HSPH1: variants seen among roughly 807,000 people sequenced by gnomAD.
HSPH1 encodes heat shock protein family H (Hsp110) member 1, also known as heat shock protein 105 kDa.
HSPH1 carries 40 observed loss-of-function variants against 100.0 expected under a neutral mutation model. That is an observed-to-expected ratio of 0.40 (90% CI 0.31 to 0.52). HSPH1 has a LOEUF of 0.52. Among genes scored for constraint, HSPH1 ranks in the 20% least tolerant of loss-of-function variants. The pLI is 0.54. For missense variants in HSPH1, 876 were observed against 1,015.1 expected, an observed-to-expected ratio of 0.86 and a Z score of 1.86; for synonymous variants, 403 against 344.0, an observed-to-expected ratio of 1.17 and a Z score of -1.90.
intron 10 of HSPH1, among the ~76,000 whole-genome samples, chr13:31,147,395 A>T (rs1956302399): frequency 6.6e-6 from 1 of 151,890 alleles, no homozygotes; most frequent in African/African-American, 2.4e-5. Flanking sequence ...TCCTGAAAAG[A>T]CCTAGCAATA....
intron 8 of HSPH1, among the ~76,000 whole-genome samples, chr13:31,149,574 T>C (rs112732810): frequency 1.7e-3 from 256 of 152,272 alleles, no homozygotes; most frequent in African/African-American, 5.7e-3. Context: ...TGTTAATATT[T>C]CTAACACCCT....
intron 6 of HSPH1, 144 bp from the exon 7 acceptor site, chr13:31,151,335 A>C: frequency 2.6e-6 from 2 of 773,360 alleles, no homozygotes. Context: ...ATCAGTCAGG[A>C]ATAAATCTCT....
chr13:31,140,341 C>T, intron 13 of HSPH1, 32 bp from the exon 14 acceptor site: 1 of 1,593,838 alleles, frequency 6.3e-7, no homozygotes, highest in Non-Finnish European at 8.5e-7. Flanking sequence ...TAATTCCAGT[C>T]TTCTAGTTAA....
chr13:31,160,809 C>CG (rs1044132386), intron 1 of HSPH1, among the ~76,000 whole-genome samples: 2 of 152,130 alleles, frequency 1.3e-5, no homozygotes, highest in African/African-American at 4.8e-5. Flanking sequence ...TTACATCTTT[C>CG]GACAATGATC....
chr13:31,155,886 G>A (rs1440320263), intron 2 of HSPH1, among the ~76,000 whole-genome samples: 11 of 152,240 alleles, frequency 7.2e-5, no homozygotes, highest in Admixed American at 4.6e-4. Flanking sequence ...GGGAACAAGA[G>A]GCAAAATAGT....
chr13:31,143,174 TAAC>T (rs747875538), intron 12 of HSPH1, among the ~76,000 whole-genome samples: 13 of 152,048 alleles, frequency 8.5e-5, no homozygotes, highest in Non-Finnish European at 1.6e-4. Context: ...GATTCATAGT[TAAC>T]AACAGAAATT....
intron 3 of HSPH1, 92 bp downstream of exon 3, chr13:31,155,422 G>A (rs1956648545): frequency 3.1e-6 from 3 of 981,458 alleles, no homozygotes; most frequent in Non-Finnish European, 4.5e-6. Context: ...ACCACCTGGT[G>A]TAATTAAGAA....
intron 11 of HSPH1, among the ~76,000 whole-genome samples, chr13:31,144,917 C>T (rs1215018980): frequency 6.6e-6 from 1 of 152,130 alleles, no homozygotes; most frequent in East Asian, 1.9e-4. Context: ...CACTTTCTCA[C>T]ATCTTAACTA....
rs758077929 is a variant in HSPH1, at chr13:31,161,577, C to A, written c.6G>T (p.Ser2=). The A allele has an allele frequency of 3.1e-6, 5 of 1,613,050 alleles. No individual in the cohort carries two copies. Among genetic ancestry groups the A allele is most frequent in the Non-Finnish European group, 4.2e-6 (5 of 1,179,624 alleles). M[S]VVGLDVGSQS... ...GCGAGCCCACGTCCAACCCCACCACCGACATGGCCGGCTCGCGGTCCGCCT... is the reference window on the plus strand; with the variant it reads ...GCGAGCCCACGTCCAACCCCACCACAGACATGGCCGGCTCGCGGTCCGCCT... The change falls in exon 1 of 18, where the codon TCG becomes TCT. Residue 2 remains serine, a synonymous_variant. Coordinates refer to ENST00000320027, the MANE Select transcript of HSPH1 (RefSeq NM_006644.4).
chr13:31,155,784 C>CCA (rs1956665112), intron 2 of HSPH1, 130 bp from the exon 3 acceptor site: 1 of 564,996 alleles, frequency 1.8e-6, no homozygotes, highest in African/African-American at 1.9e-5. Flanking sequence ...GCCCTGAGGC[C>CCA]CACCAATTTC....
At chr13:31,139,765 A>T (rs1956021957) in intron 14 of HSPH1, among the ~76,000 whole-genome samples, 2 of 152,084 alleles carry the variant, frequency 1.3e-5, no homozygotes, top group South Asian at 4.1e-4. Context: ...GGGAGTCAAG[A>T]AAAGGGATAA....
chr13:31,161,799 C>T lies in HSPH1; in HGVS notation c.-217G>A. Reference sequence around the variant, plus strand: ...AGCGGCGGCTGGCTGATAAGAAACCCTGGGAGAAAGCGGGGCTCAGCCTCC... The same window carrying T: ...AGCGGCGGCTGGCTGATAAGAAACCTTGGGAGAAAGCGGGGCTCAGCCTCC... On this transcript the variant is annotated 5_prime_UTR_variant, in exon 1 of 18. Transcript: ENST00000320027. 1 of 1,489,426 alleles carries T rather than the reference C, an allele frequency of 6.7e-7. No individual in the cohort carries two copies. The highest frequency in any genetic ancestry group is 8.9e-7 in the Non-Finnish European group (1 of 1,121,028). 92.3% of individuals were successfully genotyped at this position (1,489,426 alleles called of 1,614,324 possible). A position where few individuals can be genotyped will look rare whatever the true frequency, so the allele number is the denominator to read the frequency against.
chr13:31,157,768 A>G (rs969965530), intron 2 of HSPH1, among the ~76,000 whole-genome samples: 1 of 152,214 alleles, frequency 6.6e-6, no homozygotes, highest in Non-Finnish European at 1.5e-5. Context: ...ACAGAATTAT[A>G]TGTAAGTCAT....
intron 10 of HSPH1, 114 bp downstream of exon 10, chr13:31,147,845 G>A (rs902133348): frequency 2.3e-6 from 2 of 856,820 alleles, no homozygotes; most frequent in African/African-American, 1.8e-5. Flanking sequence ...TCTTCACACA[G>A]AATTATGTTC....
In HSPH1 at chr13:31,136,354, A is replaced by AG. The variant is rs1955883242; in HGVS notation, c.*963dup. ...CTCACACAAATATACCCCCATCATT[A>AG]GGGGTAAAAGGCTCCAAGGATGTAT... On this transcript the variant is annotated 3_prime_UTR_variant, in exon 18 of 18. Coordinates refer to ENST00000320027, the MANE Select transcript of HSPH1 (RefSeq NM_006644.4). The AG allele has an allele frequency of 6.6e-6, 1 of 152,168 alleles. No homozygotes were observed. The highest frequency in any genetic ancestry group is 6.5e-5 in the Admixed American group (1 of 15,276). 9.4% of individuals were successfully genotyped at this position (152,168 alleles called of 1,614,324 possible).
chr13:31,137,645 A>C (rs1316955711), intron 17 of HSPH1, 121 bp from the exon 18 acceptor site: 2 of 699,466 alleles, frequency 2.9e-6, no homozygotes, highest in Non-Finnish European at 4.8e-6. Context: ...TAAAATAATT[A>C]CATTTTCTCA....
Position 31,155,491 on chromosome 13 carries a change from C to T in HSPH1, c.306+23G>A. 1.9e-6 allele frequency: 3 copies of T among 1,575,236 alleles called. No individual in the cohort carries two copies. In the South Asian group the frequency reaches 3.5e-5, roughly 18 times the overall value. On this transcript the variant is annotated intron_variant, in intron 3 of 17. Transcript: ENST00000320027. ...TAAGTATTAATAAGTTGGTATTTTT[C>T]TAAGGTTGCTCAATTATATTACCTT...
chr13:31,150,402 CA>C (rs1956443981), intron 7 of HSPH1, among the ~76,000 whole-genome samples: 2 of 152,118 alleles, frequency 1.3e-5, no homozygotes, highest in Admixed American at 6.6e-5. Context: ...ATTACTCAAA[CA>C]AATCATTTTA....
At chr13:31,160,298 G>A (rs1956850744) in intron 1 of HSPH1, among the ~76,000 whole-genome samples, 1 of 152,088 alleles carries the variant, frequency 6.6e-6, no homozygotes, top group Non-Finnish European at 1.5e-5. Flanking sequence ...ATCTGCAGGG[G>A]TAGACGTACA....
Sources: gnomAD v4.1 joint callset for allele counts (sites outside exome capture counted in the v4.1 genomes callset) on GRCh38, gnomAD v4.1.1 for gene constraint, MANE v1.5 for transcripts, NCBI Gene and HGNC (gene_info 2026-07-23, HGNC 2026-07-21) for gene names.